Variants in SCML1 observed in about 807,000 individuals in gnomAD.
SCML1 encodes sex comb on midleg-like protein 1.
For missense variants in SCML1, 137 were observed against 258.1 expected, an observed-to-expected ratio of 0.53 and a Z score of 3.22; for synonymous variants, 104 against 103.6, an observed-to-expected ratio of 1.00 and a Z score of -0.02.
chrX:17,745,223 A>G (rs976934049), intron 2 of SCML1: 12 of 293,468 alleles, frequency 4.1e-5, no homozygotes, highest in Middle Eastern at 9.0e-4. Flanking sequence ...CATGAAGCAT[A>G]TAAAGGGTTA....
At chrX:17,753,005 A>AC (rs2066728495) in intron 7 of SCML1, among the ~76,000 whole-genome samples, 1 of 110,016 alleles carries the variant, frequency 9.1e-6, no homozygotes, top group South Asian at 3.8e-4. Flanking sequence ...AGTTTGACAC[A>AC]GTTTATTTTT....
At chrX:17,752,368 C>G (rs1034737006) in intron 7 of SCML1, among the ~76,000 whole-genome samples, 1 of 112,068 alleles carries the variant, frequency 8.9e-6, no homozygotes, top group Non-Finnish European at 1.9e-5. Context: ...ACAACTGATT[C>G]CATTTGCCTC....
chrX:17,743,988 A>G (rs777723065), intron 1 of SCML1, 83 bp from the exon 2 acceptor site: 291 of 336,120 alleles, frequency 8.7e-4, no homozygotes, highest in Non-Finnish European at 1.3e-3. Context: ...GTCCAATTCT[A>G]TTTGAGTTAG....
At chrX:17,739,865 A>G (rs889313107) in intron 1 of SCML1, among the ~76,000 whole-genome samples, 42 of 107,520 alleles carry the variant, frequency 3.9e-4, no homozygotes, top group African/African-American at 1.3e-3. Flanking sequence ...AAAAAAAAAA[A>G]AAAAAGAAAT....
chrX:17,750,615 T>C (rs1460797151), intron 6 of SCML1, among the ~76,000 whole-genome samples: 1 of 112,438 alleles, frequency 8.9e-6, no homozygotes, highest in Non-Finnish European at 1.9e-5. Context: ...CTTATACTCA[T>C]AATGACCCCA....
chrX:17,748,850 G>T (rs1274327248), intron 4 of SCML1, among the ~76,000 whole-genome samples: 2 of 112,127 alleles, frequency 1.8e-5, no homozygotes, highest in African/African-American at 3.2e-5. Context: ...TAAGAGATGT[G>T]TACTTAACGG....
At chrX:17,743,481 AT>A (rs2066616553) in intron 1 of SCML1, among the ~76,000 whole-genome samples, 1 of 112,451 alleles carries the variant, frequency 8.9e-6, no homozygotes, top group Non-Finnish European at 1.9e-5. Flanking sequence ...ACTCAGAGCC[AT>A]AACCAAACCT....
chrX:17,746,209 T>C, intron 4 of SCML1, 111 bp downstream of exon 4: 1 of 392,337 alleles, frequency 2.5e-6, no homozygotes, highest in Non-Finnish European at 4.4e-6. Context: ...CCTATCAATT[T>C]ATTTATGATT....
intron 1 of SCML1, among the ~76,000 whole-genome samples, chrX:17,741,430 C>T (rs781776941): frequency 9.0e-6 from 1 of 111,656 alleles, no homozygotes; most frequent in East Asian, 2.8e-4. Context: ...TAAGAAGTGA[C>T]CTCTGCGCAG....
chrX:17,748,405 C>A (rs1177937764), intron 4 of SCML1, among the ~76,000 whole-genome samples: 1 of 111,261 alleles, frequency 9.0e-6, no homozygotes, highest in Non-Finnish European at 1.9e-5. Flanking sequence ...GGGGTTTCGC[C>A]ATGTTGCCTA....
At chrX:17,752,056 G>C (rs1289958646) in intron 7 of SCML1, 90 bp downstream of exon 7, 72 of 949,295 alleles carry the variant, frequency 7.6e-5, no homozygotes, top group Admixed American at 1.1e-4. Context: ...GTGAATGGTG[G>C]GAGAACCCTA....
At chrX:17,753,131 A>G in intron 7 of SCML1, 127 bp from the exon 8 acceptor site, 2 of 439,664 alleles carry the variant, frequency 4.5e-6, no homozygotes, top group Non-Finnish European at 7.2e-6. Context: ...GTAGACGCAT[A>G]TTCAGAGAAT....
chrX:17,753,464 T>C lies in SCML1; in HGVS notation c.*72T>C. On this transcript the variant is annotated 3_prime_UTR_variant, in exon 8 of 8. Transcript: ENST00000380041. ...AATGCCTTCTTAGTGTGGAATCATT[T>C]TTCTGCCCTTTAGTCGTTTTTGTTT... 1.2e-6 allele frequency: 1 copy of C among 854,559 alleles called. No individual in the cohort carries two copies. The highest frequency in any genetic ancestry group is 1.6e-6 in the Non-Finnish European group (1 of 627,825). The allele number at this position is 854,559 out of a possible 1,213,427, so 70.4% of individuals were successfully genotyped here. A position where few individuals can be genotyped will look rare whatever the true frequency, so the allele number is the denominator to read the frequency against.
At chrX:17,737,225 TCTC>T (rs1196612509), upstream of SCML1, among the ~76,000 whole-genome samples, 1 of 107,708 alleles carries the variant, frequency 9.3e-6, no homozygotes, top group Non-Finnish European at 1.9e-5. Context: ...CCCACAGCCA[TCTC>T]CTCAGCAAAT....
chrX:17,739,864 A>G (rs1051866649), intron 1 of SCML1, among the ~76,000 whole-genome samples: 19 of 107,445 alleles, frequency 1.8e-4, no homozygotes, highest in Non-Finnish European at 1.5e-4. Flanking sequence ...AAAAAAAAAA[A>G]AAAAAAGAAA....
At chrX:17,742,132 G>T in intron 1 of SCML1, among the ~76,000 whole-genome samples, 1 of 111,275 alleles carries the variant, frequency 9.0e-6, no homozygotes, top group South Asian at 3.8e-4. Context: ...GACCCAGAGA[G>T]TTTTTTTTAT....
chrX:17,752,072 TG>T (rs745555732), intron 7 of SCML1, 106 bp downstream of exon 7: 1 of 853,802 alleles, frequency 1.2e-6, no homozygotes, highest in Admixed American at 2.9e-5. Context: ...CCCTATTAGC[TG>T]ATTTTTCCAT....
At chrX:17,750,555 C>T (rs1411204116) in intron 6 of SCML1, among the ~76,000 whole-genome samples, 2 of 112,428 alleles carry the variant, frequency 1.8e-5, no homozygotes, top group Non-Finnish European at 3.8e-5. Flanking sequence ...TTATTCAATG[C>T]ATATTATGTG....
chrX:17,745,299 C>CT (rs2066633061), intron 2 of SCML1, 157 bp from the exon 3 acceptor site: 1 of 417,633 alleles, frequency 2.4e-6, no homozygotes, highest in Non-Finnish European at 4.2e-6. Context: ...GCAAATACAT[C>CT]TTTTCATGTA....
Sources: allele counts gnomAD v4.1 joint callset (sites outside exome capture counted in the v4.1 genomes callset), GRCh38; gene constraint gnomAD v4.1.1; transcripts MANE v1.5; gene names NCBI Gene and HGNC (gene_info 2026-07-23, HGNC 2026-07-21).